NALF1: variants seen among roughly 807,000 people sequenced by gnomAD.
NALF1 encodes the protein NALCN channel auxiliary factor 1.
Under a neutral mutation model 48.4 loss-of-function variants are expected in NALF1, and 3 were observed. The observed-to-expected ratio is 0.06, with a 90% confidence interval of 0.03 to 0.16. The LOEUF (loss-of-function observed/expected upper bound fraction) is 0.16. Among genes scored for constraint, NALF1 ranks in the 10% least tolerant of loss-of-function variants. The pLI is 1.00. For synonymous variants in NALF1, 262 were observed against 245.7 expected, an observed-to-expected ratio of 1.07 and a Z score of -0.62; for missense variants, 526 against 571.5, an observed-to-expected ratio of 0.92 and a Z score of 0.81.
intron 1 of NALF1, among the ~76,000 whole-genome samples, chr13:107,458,245 C>T (rs1384667257): frequency 6.6e-6 from 1 of 152,152 alleles, no homozygotes; most frequent in Non-Finnish European, 1.5e-5. Flanking sequence ...TCATATTTGG[C>T]ATAAGAAACA....
At chr13:107,378,985 C>T (rs61965863) in intron 1 of NALF1, among the ~76,000 whole-genome samples, 13,966 of 152,136 alleles carry the variant, frequency 0.092, 853 homozygotes, top group East Asian at 0.19. Flanking sequence ...TTAATTTGGA[C>T]GCTTTTATTC....
intron 1 of NALF1, among the ~76,000 whole-genome samples, chr13:107,296,973 T>A (rs915940811): frequency 6.6e-5 from 10 of 151,998 alleles, no homozygotes; most frequent in African/African-American, 2.4e-4. Flanking sequence ...AAAATTAATG[T>A]ATCATGATGA....
intron 1 of NALF1, among the ~76,000 whole-genome samples, chr13:107,621,146 T>A (rs2138440652): frequency 6.6e-6 from 1 of 152,312 alleles, no homozygotes; most frequent in East Asian, 1.9e-4. Flanking sequence ...ACATTCTGAC[T>A]GTTTAAACTC....
At chr13:107,412,591 C>G (rs1884011425) in intron 1 of NALF1, among the ~76,000 whole-genome samples, 1 of 152,112 alleles carries the variant, frequency 6.6e-6, no homozygotes, top group East Asian at 1.9e-4. Context: ...ATATTTGTGC[C>G]CCTGCAGCAA....
intron 1 of NALF1, among the ~76,000 whole-genome samples, chr13:107,671,843 C>T (rs897468517): frequency 6.6e-6 from 1 of 152,130 alleles, no homozygotes; most frequent in African/African-American, 2.4e-5. Flanking sequence ...CTGTCCTATG[C>T]CTGGAAGAAT....
chr13:107,858,952 G>C (rs955572082), intron 1 of NALF1, among the ~76,000 whole-genome samples: 1 of 152,082 alleles, frequency 6.6e-6, no homozygotes, highest in African/African-American at 2.4e-5. Flanking sequence ...TCTATTTAAC[G>C]TCTTAGTTCA....
intron 1 of NALF1, among the ~76,000 whole-genome samples, chr13:107,719,417 A>G (rs1050401975): frequency 2.0e-5 from 3 of 152,040 alleles, no homozygotes; most frequent in African/African-American, 4.8e-5. Flanking sequence ...ATAAATGTTC[A>G]CCATTCTTCC....
chr13:107,743,531 C>T (rs1251158902), intron 1 of NALF1, among the ~76,000 whole-genome samples: 3 of 152,142 alleles, frequency 2.0e-5, no homozygotes, highest in Non-Finnish European at 2.9e-5. Flanking sequence ...TACAAGAATC[C>T]GTTAGAGATG....
At chr13:107,276,565 G>A (rs1881285403) in intron 1 of NALF1, among the ~76,000 whole-genome samples, 1 of 152,126 alleles carries the variant, frequency 6.6e-6, no homozygotes, top group African/African-American at 2.4e-5. Flanking sequence ...GGTATTTAAA[G>A]CCTACCTGTC....
intron 2 of NALF1, among the ~76,000 whole-genome samples, chr13:107,202,330 T>C (rs1879538339): frequency 6.7e-6 from 1 of 150,370 alleles, no homozygotes; most frequent in African/African-American, 2.4e-5. Context: ...AAATTGGATA[T>C]TTGAATGATG....
chr13:107,773,307 C>T (rs138931166), intron 1 of NALF1, among the ~76,000 whole-genome samples: 2 of 152,234 alleles, frequency 1.3e-5, no homozygotes, highest in South Asian at 4.1e-4. Context: ...TATCTTGATA[C>T]ACATGATAAA....
At chr13:107,749,262 G>A (rs552956743) in intron 1 of NALF1, among the ~76,000 whole-genome samples, 1 of 151,814 alleles carries the variant, frequency 6.6e-6, no homozygotes, top group African/African-American at 2.4e-5. Flanking sequence ...TTTTAAGGCA[G>A]TTTTCTCTTA....
chr13:107,249,541 T>C (rs959582696), intron 1 of NALF1, among the ~76,000 whole-genome samples: 10 of 151,102 alleles, frequency 6.6e-5, no homozygotes, highest in Non-Finnish European at 1.5e-4. Flanking sequence ...GGTATCTTTG[T>C]ATAAAATGAA....
At chr13:107,566,723 T>G (rs1263520857) in intron 1 of NALF1, among the ~76,000 whole-genome samples, 1 of 152,224 alleles carries the variant, frequency 6.6e-6, no homozygotes, top group Non-Finnish European at 1.5e-5. Context: ...ACGAATGATT[T>G]TGTCATATTT....
chr13:107,199,670 TAGCGGAG>T (rs1461805106), intron 2 of NALF1, among the ~76,000 whole-genome samples: 13 of 152,264 alleles, frequency 8.5e-5, no homozygotes, highest in Admixed American at 6.5e-4. Flanking sequence ...GCATTCCAGG[TAGCGGAG>T]GTGTGTGGCG....
At chr13:107,374,142 AG>A (rs1204964513) in intron 1 of NALF1, among the ~76,000 whole-genome samples, 19 of 152,206 alleles carry the variant, frequency 1.2e-4, no homozygotes, top group African/African-American at 4.3e-4. Context: ...AACATCCATC[AG>A]TGTCGTTTTC....
At chr13:107,678,244 C>T (rs1038745867) in intron 1 of NALF1, among the ~76,000 whole-genome samples, 1 of 152,040 alleles carries the variant, frequency 6.6e-6, no homozygotes, top group African/African-American at 2.4e-5. Flanking sequence ...ACATGGTGAA[C>T]GGGAGGGATG....
chr13:107,805,243 C>T (rs1232406876), intron 1 of NALF1, among the ~76,000 whole-genome samples: 1 of 152,144 alleles, frequency 6.6e-6, no homozygotes, highest in South Asian at 2.1e-4. Context: ...GGTCACTTCA[C>T]TATTTTTTAA....
At chr13:107,727,700 G>T (rs1876198721) in intron 1 of NALF1, among the ~76,000 whole-genome samples, 1 of 152,126 alleles carries the variant, frequency 6.6e-6, no homozygotes, top group African/African-American at 2.4e-5. Context: ...AAACTGAAGA[G>T]CTTCTGCACA....
Sources: gnomAD v4.1 joint callset for allele counts (sites outside exome capture counted in the v4.1 genomes callset) on GRCh38, gnomAD v4.1.1 for gene constraint, MANE v1.5 for transcripts, NCBI Gene and HGNC (gene_info 2026-07-23, HGNC 2026-07-21) for gene names.